Variants in OSBPL9 observed in about 807,000 individuals in gnomAD.
OSBPL9 encodes oxysterol-binding protein-related protein 9.
OSBPL9 carries 40 observed loss-of-function variants against 106.6 expected under a neutral mutation model. The ratio of observed to expected loss-of-function variants is 0.38; its 90% CI spans 0.29 to 0.49. The LOEUF (loss-of-function observed/expected upper bound fraction) is 0.49, where lower values mean the gene tolerates loss of function less well. OSBPL9 is among the 20% of genes least tolerant of loss of function. The pLI is 0.97. For synonymous variants in OSBPL9, 269 were observed against 295.4 expected (o/e 0.91, Z 0.92); for missense variants, 609 against 887.2 (o/e 0.69, Z 3.98).
chr1:51,549,300 C>CT, the OSBPL9 span, among the ~76,000 whole-genome samples: 1 of 152,202 alleles, frequency 6.6e-6, no homozygotes, highest in South Asian at 2.1e-4. Flanking sequence ...AAGATGCACA[C>CT]TCATGCATTC....
At chr1:51,546,210 T>C in the OSBPL9 span, among the ~76,000 whole-genome samples, 1 of 151,682 alleles carries the variant, frequency 6.6e-6, no homozygotes, top group South Asian at 2.1e-4. Flanking sequence ...AGAGATGGGG[T>C]TTCACCATGT....
chr1:51,775,349 T>C (rs1339611062), intron 14 of OSBPL9, among the ~76,000 whole-genome samples: 1 of 152,070 alleles, frequency 6.6e-6, no homozygotes, highest in African/African-American at 2.4e-5. Flanking sequence ...CTTTTTTTTT[T>C]TCTCCCGTCT....
chr1:51,782,484 C>T, intron 16 of OSBPL9, 75 bp from the exon 17 acceptor site: 7 of 1,155,822 alleles, frequency 6.1e-6, no homozygotes, highest in Non-Finnish European at 8.5e-6. Flanking sequence ...CGAGCAGAGA[C>T]CCCAATTACC....
chr1:51,607,477 G>C (rs1225893393), intron 2 of OSBPL9, among the ~76,000 whole-genome samples: 1 of 152,074 alleles, frequency 6.6e-6, no homozygotes, highest in African/African-American at 2.4e-5. Flanking sequence ...ATGTTTTTCT[G>C]TAGTATATCT....
At chr1:51,533,001 G>A in the OSBPL9 span, among the ~76,000 whole-genome samples, 1 of 152,044 alleles carries the variant, frequency 6.6e-6, no homozygotes, top group Admixed American at 6.6e-5. Flanking sequence ...TAATTAAATG[G>A]TAATTGGTAA....
At chr1:51,552,919 G>T in the OSBPL9 span, among the ~76,000 whole-genome samples, 1 of 151,422 alleles carries the variant, frequency 6.6e-6, no homozygotes, top group African/African-American at 2.4e-5. Context: ...CACCATACCT[G>T]GTCTTTCCAT....
chr1:51,525,457 T>C, the OSBPL9 span, among the ~76,000 whole-genome samples: 1 of 152,206 alleles, frequency 6.6e-6, no homozygotes, highest in Non-Finnish European at 1.5e-5. Flanking sequence ...AAAGCCATAA[T>C]CACAGTTGTG....
At chr1:51,741,198 T>C (rs1172834167) in intron 4 of OSBPL9, among the ~76,000 whole-genome samples, 3 of 152,188 alleles carry the variant, frequency 2.0e-5, no homozygotes, top group African/African-American at 7.2e-5. Context: ...TTGAGGCAGT[T>C]TGATATTCTT....
At chr1:51,545,918 G>A in the OSBPL9 span, among the ~76,000 whole-genome samples, 1 of 152,044 alleles carries the variant, frequency 6.6e-6, no homozygotes, top group African/African-American at 2.4e-5. Flanking sequence ...ACTCTAGGAG[G>A]GTTAAAAACA....
At chr1:51,566,336 AG>A in the OSBPL9 span, 1 of 152,186 alleles carries the variant, frequency 6.6e-6, no homozygotes. Context: ...CTCTGATGTC[AG>A]GTTTCTTGTC....
At chr1:51,758,369 CAG>C (rs144569515) in intron 9 of OSBPL9, among the ~76,000 whole-genome samples, 2,413 of 150,426 alleles carry the variant, frequency 0.016, 58 homozygotes, top group African/African-American at 0.057. Context: ...AGGGTTAAAA[CAG>C]TGAGCATTTC....
At chr1:51,636,850 G>C (rs940372146) in intron 1 of OSBPL9, among the ~76,000 whole-genome samples, 1 of 152,204 alleles carries the variant, frequency 6.6e-6, no homozygotes, top group South Asian at 2.1e-4. Flanking sequence ...CTGATCCAAA[G>C]GTCTTGGGAT....
At chr1:51,615,873 A>C (rs1177584652), upstream of OSBPL9, among the ~76,000 whole-genome samples, 3 of 151,650 alleles carry the variant, frequency 2.0e-5, no homozygotes, top group Non-Finnish European at 2.9e-5. Context: ...AGTATTGGAT[A>C]TTTTTCTTGT....
At chr1:51,530,171 A>G in the OSBPL9 span, among the ~76,000 whole-genome samples, 15 of 80,082 alleles carry the variant, frequency 1.9e-4, no homozygotes, top group Non-Finnish European at 3.8e-4. Context: ...ACTCTGTCTC[A>G]AAAAAAAAAA....
rs192565635 is a variant in OSBPL9, at chr1:51,712,772, T to C, written c.242-1231T>C. ...GTCTCCAAAAGTGTCTCCATTTATGTGTACTTGGTTATCTTTGCTTATGTG... is the reference window on the plus strand; with the variant it reads ...GTCTCCAAAAGTGTCTCCATTTATGCGTACTTGGTTATCTTTGCTTATGTG... On this transcript the variant is annotated intron_variant, in intron 3 of 23. Transcript: ENST00000428468. Among the ~76,000 whole-genome samples, 3 of 152,362 alleles carry C rather than the reference T, an allele frequency of 2.0e-5. No homozygotes were observed. In the East Asian group the frequency reaches 5.8e-4, roughly 29 times the overall value.
chr1:51,572,805 G>T (rs1434695240), upstream of OSBPL9, among the ~76,000 whole-genome samples: 2 of 152,212 alleles, frequency 1.3e-5, no homozygotes, highest in African/African-American at 2.4e-5. Context: ...TCAATGAATG[G>T]ACATATTATA....
the OSBPL9 span, among the ~76,000 whole-genome samples, chr1:51,527,160 G>C: frequency 1.3e-5 from 2 of 152,158 alleles, no homozygotes; most frequent in African/African-American, 4.8e-5. Flanking sequence ...CCACTTATAA[G>C]CTACAACACC....
the OSBPL9 span, among the ~76,000 whole-genome samples, chr1:51,545,757 A>G: frequency 1.3e-5 from 2 of 152,188 alleles, no homozygotes; most frequent in Non-Finnish European, 2.9e-5. Context: ...CTACACACAA[A>G]CAAACACACA....
At chr1:51,568,980 A>G in the OSBPL9 span, among the ~76,000 whole-genome samples, 23,418 of 152,124 alleles carry the variant, frequency 0.15, 3,450 homozygotes, top group African/African-American at 0.38. Flanking sequence ...CCCGCCACCC[A>G]GAGTGCTGGA....
Sources: gnomAD v4.1 joint callset for allele counts (sites outside exome capture counted in the v4.1 genomes callset) on GRCh38, gnomAD v4.1.1 for gene constraint, MANE v1.5 for transcripts, NCBI Gene and HGNC (gene_info 2026-07-23, HGNC 2026-07-21) for gene names.